The following ADAMTS17 variants were observed in gnomAD, a reference collection of about 807,000 sequenced individuals.
ADAMTS17 encodes ADAM metallopeptidase with thrombospondin type 1 motif 17.
ADAMTS17 carries 113 observed loss-of-function variants against 141.5 expected under a neutral mutation model. The ratio of observed to expected loss-of-function variants is 0.80; its 90% CI spans 0.69 to 0.93. ADAMTS17 has a LOEUF of 0.93. Ranked by LOEUF, ADAMTS17 falls within the 40% of genes least tolerant of loss-of-function variation. The pLI is 0.00. For synonymous variants in ADAMTS17, 768 were observed against 630.6 expected, an observed-to-expected ratio of 1.22 and a Z score of -3.27; for missense variants, 1,659 against 1,517.9, an observed-to-expected ratio of 1.09 and a Z score of -1.54.
intron 4 of ADAMTS17, among the ~76,000 whole-genome samples, chr15:100,264,889 T>C (rs927063636): frequency 1.3e-5 from 2 of 152,160 alleles, no homozygotes; most frequent in African/African-American, 2.4e-5. Flanking sequence ...TAGAGATTGA[T>C]TGCACAGCAA....
intron 7 of ADAMTS17, among the ~76,000 whole-genome samples, chr15:100,245,315 C>G (rs1281606451): frequency 6.6e-6 from 1 of 152,138 alleles, no homozygotes; most frequent in African/African-American, 2.4e-5. Context: ...TTACAGGACA[C>G]TTACTTTCCC....
At chr15:100,176,017 G>T (rs1243347595) in intron 8 of ADAMTS17, among the ~76,000 whole-genome samples, 1 of 152,218 alleles carries the variant, frequency 6.6e-6, no homozygotes, top group Non-Finnish European at 1.5e-5. Flanking sequence ...CCTGCCCCGT[G>T]ATCTGTCTTC....
At chr15:100,069,005 C>G (rs189371594) in intron 15 of ADAMTS17, among the ~76,000 whole-genome samples, 7 of 152,290 alleles carry the variant, frequency 4.6e-5, no homozygotes, top group Non-Finnish European at 7.4e-5. Flanking sequence ...AAAAAGATTA[C>G]ATGAATGGCT....
At chr15:100,014,133 A>G (rs978490746) in intron 18 of ADAMTS17, among the ~76,000 whole-genome samples, 3 of 152,152 alleles carry the variant, frequency 2.0e-5, no homozygotes, top group Admixed American at 2.0e-4. Flanking sequence ...TTTTCCAAGA[A>G]TTTATCTATC....
intron 20 of ADAMTS17, among the ~76,000 whole-genome samples, chr15:99,977,390 AT>A (rs2060378979): frequency 1.1e-3 from 9 of 8,494 alleles, no homozygotes; most frequent in Non-Finnish European, 1.7e-3. Flanking sequence ...ATATATATAT[AT>A]ATATATATAA....
chr15:100,131,942 G>C (rs556080773), intron 12 of ADAMTS17, 65 bp downstream of exon 12: 1 of 1,610,682 alleles, frequency 6.2e-7, no homozygotes, highest in African/African-American at 1.3e-5. Context: ...GTGTGAGGCA[G>C]CGAGAGCTGC....
At chr15:100,286,286 C>T (rs561015736) in intron 3 of ADAMTS17, among the ~76,000 whole-genome samples, 3 of 152,324 alleles carry the variant, frequency 2.0e-5, no homozygotes, top group Admixed American at 2.0e-4. Flanking sequence ...ATCCCACCGC[C>T]CTACGCACCT....
chr15:100,310,489 T>C (rs531508306), intron 3 of ADAMTS17, among the ~76,000 whole-genome samples: 1 of 152,324 alleles, frequency 6.6e-6, no homozygotes, highest in African/African-American at 2.4e-5. Flanking sequence ...GACCCCAACC[T>C]ATAAGCTGTG....
chr15:100,318,494 A>G (rs2045634837), intron 3 of ADAMTS17, among the ~76,000 whole-genome samples: 1 of 152,136 alleles, frequency 6.6e-6, no homozygotes, highest in Non-Finnish European at 1.5e-5. Context: ...GAGGACACAG[A>G]GAGAAGGCAC....
intron 20 of ADAMTS17, among the ~76,000 whole-genome samples, chr15:99,987,965 C>G (rs1233902038): frequency 2.0e-5 from 3 of 151,978 alleles, no homozygotes; most frequent in Non-Finnish European, 4.4e-5. Flanking sequence ...ACCATACACA[C>G]ACATGGTGCC....
At chr15:100,204,909 C>T (rs143081544) in intron 7 of ADAMTS17, among the ~76,000 whole-genome samples, 1 of 152,314 alleles carries the variant, frequency 6.6e-6, no homozygotes, top group Non-Finnish European at 1.5e-5. Flanking sequence ...CAGACTTTCC[C>T]CTTGGCAATT....
intron 10 of ADAMTS17, among the ~76,000 whole-genome samples, chr15:100,147,425 A>C (rs545537599): frequency 2.6e-5 from 4 of 152,268 alleles, no homozygotes; most frequent in African/African-American, 7.2e-5. Context: ...CTACACACCT[A>C]GGCTCTGTGG....
chr15:100,257,417 A>T (rs1452053697), intron 6 of ADAMTS17, among the ~76,000 whole-genome samples: 1 of 152,210 alleles, frequency 6.6e-6, no homozygotes, highest in Non-Finnish European at 1.5e-5. Context: ...GACCCAGAAG[A>T]CGGGACGTGC....
chr15:100,183,108 C>G lies in ADAMTS17; in HGVS notation c.1181+16210G>C, dbSNP rs561918544. 3.9e-5 allele frequency among the ~76,000 whole-genome samples: 6 copies of G among 152,246 alleles called. No homozygotes were observed. The East Asian group carries it at 1.2e-3, about 29-fold the overall frequency. On this transcript the variant is annotated intron_variant, in intron 8 of 21. Coordinates refer to ENST00000268070, the MANE Select transcript of ADAMTS17 (RefSeq NM_139057.4). ...GGTTCAAGTGATTCTCCAGCCTCAG[C>G]CTCCTGAGTAGCTGGGATTACAGGC...
At chr15:100,151,074 C>T (rs376818525) in intron 10 of ADAMTS17, among the ~76,000 whole-genome samples, 7 of 152,334 alleles carry the variant, frequency 4.6e-5, no homozygotes, top group African/African-American at 1.7e-4. Flanking sequence ...GGGACGATCA[C>T]ATCCTAGGGC....
chr15:100,060,492 G>T (rs2033032460), intron 15 of ADAMTS17, among the ~76,000 whole-genome samples: 1 of 152,220 alleles, frequency 6.6e-6, no homozygotes, highest in South Asian at 2.1e-4. Flanking sequence ...GGGCATTCCT[G>T]AGGGAAGGGC....
intron 17 of ADAMTS17, among the ~76,000 whole-genome samples, chr15:100,050,255 C>G (rs958766186): frequency 1.3e-5 from 2 of 152,228 alleles, no homozygotes; most frequent in Admixed American, 6.5e-5. Flanking sequence ...AGCAACAGAA[C>G]AGCCTGCCCC....
chr15:100,251,960 G>A (rs928523045), intron 7 of ADAMTS17, among the ~76,000 whole-genome samples: 38 of 152,260 alleles, frequency 2.5e-4, no homozygotes, highest in African/African-American at 8.7e-4. Context: ...TCCAGCCTCC[G>A]GATCTGTGAG....
chr15:100,054,027 A>C lies in ADAMTS17; in HGVS notation c.2165T>G (p.Ile722Ser), dbSNP rs1367900009. ...TALKDSGKGS[I>S]NSDWKIELPG... ...GAGCTCTATCTTCCAGTCACTGTTG[A>C]TGGACCCCTTACCCGAGTCTTTGAG... is the stretch of plus-strand genomic sequence containing the variant. The change falls in exon 16 of 22, where the codon ATC becomes AGC. Residue 722 changes from isoleucine (I) to serine (S), a missense_variant. Physicochemically the swap from Ile to Ser is moderately radical, Grantham distance 142. Coordinates refer to ENST00000268070, the MANE Select transcript of ADAMTS17 (RefSeq NM_139057.4). The C allele has an allele frequency of 6.2e-7, 1 of 1,614,134 alleles. No homozygotes were observed. The highest frequency in any genetic ancestry group is 8.5e-7 in the Non-Finnish European group (1 of 1,180,016).
Sources: gnomAD v4.1 joint callset for allele counts (sites outside exome capture counted in the v4.1 genomes callset) on GRCh38, gnomAD v4.1.1 for gene constraint, MANE v1.5 for transcripts, NCBI Gene and HGNC (gene_info 2026-07-23, HGNC 2026-07-21) for gene names.